LRP1B: variants seen among roughly 807,000 people sequenced by gnomAD.
The protein encoded by LRP1B is low-density lipoprotein receptor-related protein 1B.
A neutral mutation model predicts 556.6 loss-of-function variants in LRP1B; 217 were observed. The observed-to-expected ratio is 0.39, with a 90% CI of 0.35 to 0.44. The LOEUF (loss-of-function observed/expected upper bound fraction) is 0.44, where lower values mean the gene tolerates loss of function less well. LRP1B is among the 20% of genes least tolerant of loss of function. The pLI, the probability that LRP1B is intolerant of heterozygous loss-of-function variation, is 1.00. For missense variants in LRP1B, 5,053 were observed against 5,620.8 expected, an observed-to-expected ratio of 0.90 and a Z score of 3.23; for synonymous variants, 2,047 against 1,865.8, an observed-to-expected ratio of 1.10 and a Z score of -2.50.
At chr2:140,847,680 T>G (rs1692314262) in intron 29 of LRP1B, among the ~76,000 whole-genome samples, 1 of 151,006 alleles carries the variant, frequency 6.6e-6, no homozygotes, top group South Asian at 2.1e-4. Flanking sequence ...GGTAGGAGAA[T>G]AGCTTGAACC....
rs2105420090 is a variant in LRP1B at position 140,700,336 on chromosome 2, G to A, written c.6713C>T (p.Thr2238Ile). ...AFDYNQRRKG[T>I]NRIFYSDAHF... ...TGCATCACTGTAAAAGATTCGGTTG[G>A]TACCTTTTCTTCTTTGATTATAGTC... Residue 2238 changes from threonine (T) to isoleucine (I), a missense_variant, in exon 41 of 91, where the codon ACC becomes ATC. Around this residue, in one of 5 missense-constraint regions of LRP1B, gnomAD observed 3,619 missense variants for 3,931.9 expected, o/e 0.92. Transcript: ENST00000389484. 2 of 1,612,846 alleles carry A rather than the reference G, an allele frequency of 1.2e-6. No individual in the cohort carries two copies. The highest frequency in any genetic ancestry group is 8.5e-7 in the Non-Finnish European group (1 of 1,179,446).
At chr2:140,671,192 G>T (rs1325591051) in intron 41 of LRP1B, among the ~76,000 whole-genome samples, 2 of 152,208 alleles carry the variant, frequency 1.3e-5, no homozygotes, top group Admixed American at 6.5e-5. Context: ...GTATATACAA[G>T]CCCATATTTC....
At position 140,779,753 on chromosome 2, in the gene LRP1B, AGAGT is replaced by A. The variant is rs1356142902; in HGVS notation, c.5360-3519_5360-3516del. ...TGTGGTGTGTCTGTCTCTCTGTGAGAGAGTGTGTGTGTGTGTGTGTGTGTGTGTG... is the reference window on the plus strand; with the variant it reads ...TGTGGTGTGTCTGTCTCTCTGTGAGAGTGTGTGTGTGTGTGTGTGTGTGTG... On this transcript the variant is annotated intron_variant, in intron 32 of 90. Transcript: ENST00000389484. Among the ~76,000 whole-genome samples, 952 of 133,952 alleles carry A rather than the reference AGAGT, an allele frequency of 7.1e-3. 4 individuals carry two copies. Among genetic ancestry groups the A allele is most frequent in the African/African-American group, 9.3e-3 (335 of 35,940 alleles). 87.9% of individuals were successfully genotyped at this position (133,952 alleles called of 152,430 possible).
At chr2:141,557,321 T>G (rs1287625435) in intron 2 of LRP1B, among the ~76,000 whole-genome samples, 1 of 151,836 alleles carries the variant, frequency 6.6e-6, no homozygotes, top group Non-Finnish European at 1.5e-5. Flanking sequence ...CAGTCCATAT[T>G]TTATGGAGAT....
In LRP1B at chr2:141,316,315, C is replaced by T. The variant is rs1280915821; in HGVS notation, c.344-61674G>A. On this transcript the variant is annotated intron_variant, in intron 3 of 90. Coordinates refer to ENST00000389484, the MANE Select transcript of LRP1B (RefSeq NM_018557.3). ...GCTTGATTGCCCTGTCATTTAACAA[C>T]GTTATTGCAATGAGAAAGTTCCTCC... Among the ~76,000 whole-genome samples, 6 of 152,244 alleles carry T rather than the reference C, an allele frequency of 3.9e-5. No homozygotes were observed. The South Asian group carries it at 6.2e-4, about 16-fold the overall frequency.
rs548530072 is a variant in LRP1B at position 141,812,736 on chromosome 2, T to C, written c.83-2335A>G. Among the ~76,000 whole-genome samples, 5 of 152,212 alleles carry C rather than the reference T, an allele frequency of 3.3e-5. No homozygotes were observed. In the South Asian group the frequency reaches 8.3e-4, roughly 25 times the overall value. On this transcript the variant is annotated intron_variant, in intron 1 of 90. Coordinates refer to ENST00000389484, the MANE Select transcript of LRP1B (RefSeq NM_018557.3). ...TAAAACATGCTACAAAGCCATCTCC[T>C]AGGAGACTCTTGCAATTCTCTAGAG... is the stretch of plus-strand genomic sequence containing the variant.
intron 2 of LRP1B, among the ~76,000 whole-genome samples, chr2:141,763,675 T>C (rs951839868): frequency 4.6e-5 from 7 of 152,128 alleles, no homozygotes; most frequent in Non-Finnish European, 1.0e-4. Context: ...TTTTTATAAT[T>C]TTGAGCAACC....
In LRP1B at chr2:141,388,322, G is replaced by C. The variant is rs189781133; in HGVS notation, c.343+92074C>G. On this transcript the variant is annotated intron_variant, in intron 3 of 90. Coordinates refer to ENST00000389484, the MANE Select transcript of LRP1B (RefSeq NM_018557.3). ...ATGGTGGTGGGTGCCTGTAATCCCAGCTACTTGGGAGGCTGAGGCAAGAGA... is the reference window on the plus strand; with the variant it reads ...ATGGTGGTGGGTGCCTGTAATCCCACCTACTTGGGAGGCTGAGGCAAGAGA... Among the ~76,000 whole-genome samples, 501 of 152,226 alleles carry C rather than the reference G, an allele frequency of 3.3e-3. 2 individuals are homozygous for C. Among genetic ancestry groups the C allele is most frequent in the African/African-American group, 0.012 (478 of 41,546 alleles).
At chr2:140,286,596 T>C (rs954563195) in intron 84 of LRP1B, among the ~76,000 whole-genome samples, 1 of 151,858 alleles carries the variant, frequency 6.6e-6, no homozygotes, top group Non-Finnish European at 1.5e-5. Flanking sequence ...ATCTAATCTG[T>C]GCATGGAAGT....
intron 3 of LRP1B, among the ~76,000 whole-genome samples, chr2:141,367,773 C>T (rs1689098531): frequency 6.6e-6 from 1 of 152,026 alleles, no homozygotes; most frequent in Non-Finnish European, 1.5e-5. Flanking sequence ...AAGCATGAGC[C>T]ACCGTGCCCA....
chr2:140,928,050 G>T (rs1694939595), intron 20 of LRP1B, among the ~76,000 whole-genome samples: 1 of 151,816 alleles, frequency 6.6e-6, no homozygotes, highest in Non-Finnish European at 1.5e-5. Flanking sequence ...CCAGTCAGCA[G>T]GCATTTTTTA....
chr2:141,250,283 AC>A (rs1285736103), intron 4 of LRP1B, among the ~76,000 whole-genome samples: 1 of 152,142 alleles, frequency 6.6e-6, no homozygotes. Context: ...GTAGTCTCAG[AC>A]TGGGGGCTGG....
At chr2:142,057,668 T>C (rs929726002) in intron 1 of LRP1B, among the ~76,000 whole-genome samples, 4 of 152,180 alleles carry the variant, frequency 2.6e-5, no homozygotes, top group African/African-American at 9.6e-5. Context: ...GGCAAGAGTA[T>C]AATATTTTTC....
chr2:141,281,536 G>C (rs1023949824), intron 3 of LRP1B, among the ~76,000 whole-genome samples: 2 of 151,998 alleles, frequency 1.3e-5, no homozygotes. Context: ...AATATTAAAA[G>C]ATGTTAATAT....
chr2:141,649,283 G>A (rs1689696974), intron 2 of LRP1B, among the ~76,000 whole-genome samples: 1 of 152,182 alleles, frequency 6.6e-6, no homozygotes, highest in Non-Finnish European at 1.5e-5. Flanking sequence ...TGAAGATGAA[G>A]CAGCAGAAGG....
chr2:140,782,814 T>C (rs1325226821), intron 32 of LRP1B, among the ~76,000 whole-genome samples: 1 of 152,138 alleles, frequency 6.6e-6, no homozygotes, highest in Non-Finnish European at 1.5e-5. Flanking sequence ...AGTCTCTAAA[T>C]TGAGTAAATA....
chr2:141,087,351 G>A (rs896167684), intron 7 of LRP1B, among the ~76,000 whole-genome samples: 5 of 152,166 alleles, frequency 3.3e-5, no homozygotes, highest in Non-Finnish European at 5.9e-5. Flanking sequence ...AAGACTTTCT[G>A]TCAGGAGGGA....
chr2:140,725,309 T>G (rs1687553290), intron 35 of LRP1B, among the ~76,000 whole-genome samples: 1 of 150,248 alleles, frequency 6.7e-6, no homozygotes, highest in Non-Finnish European at 1.5e-5. Context: ...GCCATTTCAA[T>G]CCAGATATCA....
rs148037299 is a variant in LRP1B, at chr2:141,507,952, G to C, written c.206-27419C>G. ...AAAATACTAAAATTAGCTGGGTGTG[G>C]TGGCATGCACCTATAGTCCCAGATA... On this transcript the variant is annotated intron_variant, in intron 2 of 90. Transcript: ENST00000389484. Among the ~76,000 whole-genome samples, 429 of 151,978 alleles carry C rather than the reference G, an allele frequency of 2.8e-3. 4 individuals carry two copies. Among genetic ancestry groups the C allele is most frequent in the African/African-American group, 8.4e-3 (346 of 41,422 alleles).
Sources: allele counts gnomAD v4.1 joint callset (sites outside exome capture counted in the v4.1 genomes callset), GRCh38; gene constraint gnomAD v4.1.1; regional missense constraint gnomAD v4.1.1; transcripts MANE v1.5; gene names NCBI Gene and HGNC (gene_info 2026-07-23, HGNC 2026-07-21).